NCAM2: variants seen among roughly 807,000 people sequenced by gnomAD.
NCAM2 encodes the protein neural cell adhesion molecule 2, also known as N-CAM-2.
NCAM2 carries 30 observed loss-of-function variants against 98.1 expected under a neutral mutation model. That is an observed-to-expected ratio of 0.31 (90% CI 0.23 to 0.41). The LOEUF is 0.41. NCAM2 is among the 10% of genes least tolerant of loss of function. The pLI is 1.00. For synonymous variants in NCAM2, 368 were observed against 342.4 expected, an observed-to-expected ratio of 1.07 and a Z score of -0.83; for missense variants, 867 against 1,005.8, an observed-to-expected ratio of 0.86 and a Z score of 1.87.
chr21:21,101,463 A>G (rs984363639), intron 1 of NCAM2, among the ~76,000 whole-genome samples: 7 of 152,082 alleles, frequency 4.6e-5, no homozygotes, highest in East Asian at 3.9e-4. Flanking sequence ...GCATACTCTC[A>G]TAAGAATCAA....
intron 16 of NCAM2, among the ~76,000 whole-genome samples, chr21:21,516,843 C>A (rs552783205): frequency 6.6e-6 from 1 of 152,292 alleles, no homozygotes; most frequent in East Asian, 1.9e-4. Flanking sequence ...CATGTTCCCT[C>A]ACCGACATTC....
chr21:21,066,415 T>TAC (rs769061304), intron 1 of NCAM2, among the ~76,000 whole-genome samples: 289 of 149,242 alleles, frequency 1.9e-3, no homozygotes, highest in South Asian at 4.4e-3. Flanking sequence ...TTTTATAACA[T>TAC]ATACACACAC....
At chr21:21,326,441 C>T (rs1601982554) in intron 6 of NCAM2, among the ~76,000 whole-genome samples, 1 of 152,252 alleles carries the variant, frequency 6.6e-6, no homozygotes, top group Non-Finnish European at 1.5e-5. Flanking sequence ...TTGTCTGCAG[C>T]ACAACCCTTT....
intron 1 of NCAM2, among the ~76,000 whole-genome samples, chr21:21,241,131 A>C (rs1430604051): frequency 6.6e-6 from 1 of 152,154 alleles, no homozygotes. Context: ...TAAATTCAGC[A>C]TACAATAGTA....
At chr21:21,282,322 A>G (rs2072957904) in intron 2 of NCAM2, among the ~76,000 whole-genome samples, 1 of 151,920 alleles carries the variant, frequency 6.6e-6, no homozygotes, top group African/African-American at 2.4e-5. Context: ...GCCTGTATGT[A>G]TTGCATAGCT....
chr21:21,475,771 T>C (rs1447383817), intron 14 of NCAM2, among the ~76,000 whole-genome samples: 1 of 152,132 alleles, frequency 6.6e-6, no homozygotes, highest in Non-Finnish European at 1.5e-5. Flanking sequence ...AACCAGGGCT[T>C]CGTTAGGGGT....
intron 1 of NCAM2, among the ~76,000 whole-genome samples, chr21:21,195,422 T>A (rs1471800909): frequency 6.6e-6 from 1 of 152,164 alleles, no homozygotes; most frequent in African/African-American, 2.4e-5. Context: ...AATATTCAGT[T>A]AAAAACAGAG....
intron 11 of NCAM2, among the ~76,000 whole-genome samples, chr21:21,427,908 CG>C (rs2077250023): frequency 6.6e-6 from 1 of 152,124 alleles, no homozygotes; most frequent in Non-Finnish European, 1.5e-5. Flanking sequence ...AGAGTTTTAA[CG>C]TATTCTAGGG....
At chr21:21,289,540 GACC>G in intron 4 of NCAM2, among the ~76,000 whole-genome samples, 1 of 152,008 alleles carries the variant, frequency 6.6e-6, no homozygotes, top group African/African-American at 2.4e-5. Context: ...GAAGAGGGAA[GACC>G]ATGTGCAATG....
At chr21:21,327,306 C>CAAAAAAAAAAAAAA (rs11384559) in intron 6 of NCAM2, among the ~76,000 whole-genome samples, 136 of 82,164 alleles carry the variant, frequency 1.7e-3, no homozygotes, top group Non-Finnish European at 2.3e-3. Context: ...GACTCTGTCT[C>CAAAAAAAAAAAAAA]AAAAAAAAAA....
intron 1 of NCAM2, among the ~76,000 whole-genome samples, chr21:21,009,897 G>GTGTGTGTGTGTA (rs2064177286): frequency 6.6e-6 from 1 of 151,230 alleles, no homozygotes; most frequent in Non-Finnish European, 1.5e-5. Flanking sequence ...GTGTGTGTGT[G>GTGTGTGTGTGTA]TGTGTGTGTG....
intron 12 of NCAM2, among the ~76,000 whole-genome samples, chr21:21,457,672 G>A (rs76061813): frequency 0.015 from 2,292 of 151,910 alleles, 22 homozygotes; most frequent in Middle Eastern, 0.028. Flanking sequence ...AAGAACTCAG[G>A]TACACTATGT....
rs770689547 is a variant in NCAM2, at chr21:21,410,477, T to TA, written c.1383+17dup. 1 of 1,385,552 alleles carries TA rather than the reference T, an allele frequency of 7.2e-7. No homozygotes were observed. The highest frequency in any genetic ancestry group is 1.6e-5 in the South Asian group (1 of 63,524). 85.8% of individuals were successfully genotyped at this position (1,385,552 alleles called of 1,614,324 possible). ...GATATTAGAGGTAAGTCCACATGTA[T>TA]ACATCAATAAATTGTATTATTTTAA... On this transcript the variant is annotated intron_variant, in intron 10 of 17. Transcript: ENST00000400546.
chr21:21,226,962 A>G (rs906540844), intron 1 of NCAM2: 6 of 152,052 alleles, frequency 3.9e-5, no homozygotes, highest in Non-Finnish European at 8.8e-5. Context: ...TTTAAAACTC[A>G]TTTATAATAA....
chr21:21,427,571 G>T (rs1042026836), intron 11 of NCAM2, among the ~76,000 whole-genome samples: 3 of 152,198 alleles, frequency 2.0e-5, no homozygotes. Flanking sequence ...AGTGGTAGTT[G>T]CCAGGGGCTG....
intron 1 of NCAM2, among the ~76,000 whole-genome samples, chr21:21,044,104 C>G (rs1013433776): frequency 6.6e-6 from 1 of 151,976 alleles, no homozygotes; most frequent in African/African-American, 2.4e-5. Flanking sequence ...GCAAAACATA[C>G]TAATACATTT....
At chr21:21,063,361 C>A (rs2065363869) in intron 1 of NCAM2, among the ~76,000 whole-genome samples, 1 of 151,728 alleles carries the variant, frequency 6.6e-6, no homozygotes, top group Non-Finnish European at 1.5e-5. Flanking sequence ...GCTGGGTCTA[C>A]AGGCATGCGC....
At chr21:21,316,500 C>T (rs1204431003) in intron 5 of NCAM2, among the ~76,000 whole-genome samples, 2 of 150,296 alleles carry the variant, frequency 1.3e-5, no homozygotes, top group African/African-American at 4.9e-5. Flanking sequence ...CTTTCTCCAA[C>T]ATCTCCATCA....
intron 5 of NCAM2, among the ~76,000 whole-genome samples, chr21:21,300,872 G>A (rs189873621): frequency 6.6e-6 from 1 of 151,578 alleles, no homozygotes; most frequent in Non-Finnish European, 1.5e-5. Flanking sequence ...TATCAATCTA[G>A]TAATGCACTT....
Sources: allele counts gnomAD v4.1 joint callset (sites outside exome capture counted in the v4.1 genomes callset), GRCh38; gene constraint gnomAD v4.1.1; transcripts MANE v1.5; gene names NCBI Gene and HGNC (gene_info 2026-07-23, HGNC 2026-07-21).